Variants in CARS1 observed in about 807,000 individuals in gnomAD.
The protein encoded by CARS1 is cysteinyl-tRNA synthetase 1.
Under a neutral mutation model 106.2 loss-of-function variants are expected in CARS1, and 48 were observed. That is an observed-to-expected ratio of 0.45 (90% CI 0.36 to 0.57). The LOEUF is 0.57. Among genes scored for constraint, CARS1 ranks in the 20% least tolerant of loss-of-function variants. The pLI is 0.00. For missense variants in CARS1, 968 were observed against 1,057.2 expected, an observed-to-expected ratio of 0.92 and a Z score of 1.17; for synonymous variants, 409 against 403.4, an observed-to-expected ratio of 1.01 and a Z score of -0.17.
chr11:3,051,652 T>C (rs1855708639), intron 1 of CARS1, among the ~76,000 whole-genome samples: 1 of 152,172 alleles, frequency 6.6e-6, no homozygotes. Flanking sequence ...CATTTCATGA[T>C]AAAGAAAATG....
intron 22 of CARS1, 125 bp downstream of exon 22, chr11:3,001,845 A>G (rs1849428504): frequency 2.5e-6 from 2 of 815,238 alleles, no homozygotes; most frequent in Admixed American, 1.8e-5. Flanking sequence ...AGCGGGTGTC[A>G]GATTTGATTC....
Position 3,047,990 on chromosome 11 carries a change from T to C in CARS1, c.37A>G (p.Arg13Gly). ...TCGTCACTAATGCTCAGAATGGACC[T>C]GTAGTCAGGAGCTGCAAAGACAGAG... ...DSSGQQAPDY[R>G]SILSISDEAA... Residue 13 changes from arginine to glycine, a missense_variant, in exon 2 of 23, where the codon AGG becomes GGG. By Grantham distance (125) the Arg-to-Gly change is moderately radical. Coordinates refer to ENST00000380525, the MANE Select transcript of CARS1 (RefSeq NM_001014437.3). The C allele has an allele frequency of 7.4e-6, 12 of 1,613,118 alleles. No homozygotes were observed. The highest frequency in any genetic ancestry group is 8.5e-6 in the Non-Finnish European group (10 of 1,179,364).
At position 3,017,399 on chromosome 11, in the gene CARS1, T is replaced by C; in HGVS notation, c.1728-104A>G. 9.8e-7 allele frequency: 1 copy of C among 1,024,620 alleles called. No homozygotes were observed. Among genetic ancestry groups the C allele is most frequent in the Non-Finnish European group, 1.5e-6 (1 of 684,968 alleles). The allele number at this position is 1,024,620 out of a possible 1,614,324, so 63.5% of individuals were successfully genotyped here. ...GGCTCACGCCTATAATCCCAGCACT[T>C]TGGGAGGCTGAGGTGGGCGGATCAC... On this transcript the variant is annotated intron_variant, in intron 15 of 22. Transcript: ENST00000380525. This position sits in a 1 kb window ranked among gnomAD's most constrained non-coding sequence, Gnocchi z 4.9.
At chr11:3,015,922 G>A (rs1195218196) in intron 16 of CARS1, 73 bp from the exon 17 acceptor site, 18 of 1,279,362 alleles carry the variant, frequency 1.4e-5, no homozygotes, top group Middle Eastern at 1.8e-4. Context: ...GCTGTGAGCT[G>A]TGTTCCTCGT....
At chr11:3,051,728 C>T (rs1397146390) in intron 1 of CARS1, among the ~76,000 whole-genome samples, 2 of 152,192 alleles carry the variant, frequency 1.3e-5, no homozygotes, top group East Asian at 1.9e-4. Context: ...GCCTTGTCCC[C>T]TCACAGATCA....
chr11:3,043,176 A>G lies in CARS1; in HGVS notation c.275-920T>C, dbSNP rs1458247332. On this transcript the variant is annotated intron_variant, in intron 2 of 22. Transcript: ENST00000380525. The surrounding 1 kb of genome is among the most constrained non-coding windows in gnomAD (Gnocchi z 4.0). The stretch of plus-strand genomic sequence containing the variant: ...GGGCCGCCTGGGCTGCTCTGAGCAC[A>G]CTGCTTCCAGGCCTGGCTTCCAACC... Among the ~76,000 whole-genome samples, 1 of 151,852 alleles carries G rather than the reference A, an allele frequency of 6.6e-6. No homozygotes were observed. The highest frequency in any genetic ancestry group is 1.5e-5 in the Non-Finnish European group (1 of 67,922).
rs1854300976 is a variant in CARS1, at chr11:3,040,504, G to A, written c.455+392C>T. Reference sequence around the variant, plus strand: ...GCCATGACCATCCAGTGGTCGGGGGGCGGTCACAGCCAACCCAGCGTCAGG... The same window carrying A: ...GCCATGACCATCCAGTGGTCGGGGGACGGTCACAGCCAACCCAGCGTCAGG... On this transcript the variant is annotated intron_variant, in intron 4 of 22. Coordinates refer to ENST00000380525, the MANE Select transcript of CARS1 (RefSeq NM_001014437.3). The surrounding 1 kb of genome is among the most constrained non-coding windows in gnomAD (Gnocchi z 5.8). 2.1e-6 allele frequency: 1 copy of A among 475,680 alleles called. No homozygotes were observed. The highest frequency in any genetic ancestry group is 6.3e-5 in the East Asian group (1 of 15,904). 29.5% of individuals were successfully genotyped at this position (475,680 alleles called of 1,614,324 possible).
intron 19 of CARS1, among the ~76,000 whole-genome samples, chr11:3,006,309 G>A (rs1330075547): frequency 6.6e-6 from 1 of 152,168 alleles, no homozygotes; most frequent in Non-Finnish European, 1.5e-5. Flanking sequence ...AGCCGAGCGT[G>A]GTGATGGGCG....
In CARS1 at chr11:3,037,620, A is replaced by C. The variant is rs372561740; in HGVS notation, c.801+430T>G. Reference sequence around the variant, plus strand: ...GGGGCAGGAGAGCTGGTCAACGTGAAGGCCCCAAGCTCAGTAGGTACCCAC... The same window carrying C: ...GGGGCAGGAGAGCTGGTCAACGTGACGGCCCCAAGCTCAGTAGGTACCCAC... On this transcript the variant is annotated intron_variant, in intron 7 of 22. Coordinates refer to ENST00000380525, the MANE Select transcript of CARS1 (RefSeq NM_001014437.3). The surrounding 1 kb of genome is among the most constrained non-coding windows in gnomAD (Gnocchi z 5.9). 2.6e-4 allele frequency among the ~76,000 whole-genome samples: 40 copies of C among 152,280 alleles called. No individual in the cohort carries two copies. The highest frequency in any genetic ancestry group is 8.4e-4 in the African/African-American group (35 of 41,564).
intron 9 of CARS1, chr11:3,027,833 T>G: frequency 2.2e-6 from 1 of 454,740 alleles, no homozygotes; most frequent in South Asian, 1.6e-5. Flanking sequence ...GTAGCGTAAG[T>G]GTCAAGGAAA....
chr11:3,038,759 G>C lies in CARS1; in HGVS notation c.651+435C>G, dbSNP rs1189604526. Reference sequence around the variant, plus strand: ...ATGGTTATTCAGAATGAAAATACTAGAGAGAACTAATTTCTTCAAAAGATT... The same window carrying C: ...ATGGTTATTCAGAATGAAAATACTACAGAGAACTAATTTCTTCAAAAGATT... On this transcript the variant is annotated intron_variant, in intron 6 of 22. Transcript: ENST00000380525. The surrounding 1 kb of genome is among the most constrained non-coding windows in gnomAD (Gnocchi z 4.0). 1.3e-5 allele frequency among the ~76,000 whole-genome samples: 2 copies of C among 152,184 alleles called. No individual in the cohort carries two copies. Among genetic ancestry groups the C allele is most frequent in the Non-Finnish European group, 2.9e-5 (2 of 68,048 alleles).
intron 17 of CARS1, among the ~76,000 whole-genome samples, chr11:3,012,527 G>C (rs1024919922): frequency 6.6e-6 from 1 of 152,228 alleles, no homozygotes; most frequent in African/African-American, 2.4e-5. Flanking sequence ...ACTGCAGCAG[G>C]TGGGTCTGCC....
chr11:3,042,297 A>C (rs1854567642), intron 2 of CARS1, 41 bp from the exon 3 acceptor site: 2 of 1,496,396 alleles, frequency 1.3e-6, no homozygotes, highest in Non-Finnish European at 1.8e-6. Flanking sequence ...CAGGGGCAGC[A>C]CCAGGAAGTG....
intron 17 of CARS1, 61 bp downstream of exon 17, chr11:3,015,720 C>G: frequency 3.5e-6 from 5 of 1,440,212 alleles, no homozygotes; most frequent in Non-Finnish European, 3.9e-6. Context: ...CAGAGGGACA[C>G]AGAGGGGTAG....
chr11:3,053,167 C>T lies in CARS1; in HGVS notation c.25+4176G>A, dbSNP rs1163342626. Among the ~76,000 whole-genome samples, 2 of 152,234 alleles carry T rather than the reference C, an allele frequency of 1.3e-5. No homozygotes were observed. The highest frequency in any genetic ancestry group is 2.4e-5 in the African/African-American group (1 of 41,468). ...GACACGTCAAACAACTGTGGCAGTGCGACCTCTCCCTCTCTCTGGCTCTTT... is the reference window on the plus strand; with the variant it reads ...GACACGTCAAACAACTGTGGCAGTGTGACCTCTCCCTCTCTCTGGCTCTTT... On this transcript the variant is annotated intron_variant, in intron 1 of 22. Transcript: ENST00000380525. The surrounding 1 kb of genome is among the most constrained non-coding windows in gnomAD (Gnocchi z 6.6).
In CARS1 at chr11:3,022,126, G is replaced by A. The variant is rs568783541; in HGVS notation, c.1154-1794C>T. 2.3e-4 allele frequency among the ~76,000 whole-genome samples: 35 copies of A among 152,280 alleles called. No individual in the cohort carries two copies. Among genetic ancestry groups the A allele is most frequent in the African/African-American group, 7.9e-4 (33 of 41,550 alleles). ...CGGTCACTGGCCAGGTGCAGTGCAC[G>A]TCCATCCGCTTCCCTGCAGCTCTAA... On this transcript the variant is annotated intron_variant, in intron 10 of 22. Transcript: ENST00000380525. This position sits in a 1 kb window ranked among gnomAD's most constrained non-coding sequence, Gnocchi z 4.9.
chr11:3,017,505 T>G lies in CARS1; in HGVS notation c.1728-210A>C. The G allele has an allele frequency of 1.7e-6, 1 of 580,486 alleles. No homozygotes were observed. The highest frequency in any genetic ancestry group is 3.1e-6 in the Non-Finnish European group (1 of 326,272). 36.0% of individuals were successfully genotyped at this position (580,486 alleles called of 1,614,324 possible). On this transcript the variant is annotated intron_variant, in intron 15 of 22. Coordinates refer to ENST00000380525, the MANE Select transcript of CARS1 (RefSeq NM_001014437.3). The surrounding 1 kb of genome is among the most constrained non-coding windows in gnomAD (Gnocchi z 4.9). ...CTAAAAATCTGAAATTAGCCAGGTA[T>G]GGTGGCGCATGCCTGTAACCCCAGC...
rs1353841269 is a variant in CARS1 at position 3,057,195 on chromosome 11, C to A, written c.25+148G>T. 13 of 704,100 alleles carry A rather than the reference C, an allele frequency of 1.8e-5. No individual in the cohort carries two copies. In the East Asian group the frequency reaches 3.4e-4, roughly 18 times the overall value. The allele number at this position is 704,100 out of a possible 1,614,324, so 43.6% of individuals were successfully genotyped here. ...GACACCCCTCAGACCTCGGGCACTG[C>A]CGCCCCTCAGACCACGGACACAGCT... On this transcript the variant is annotated intron_variant, in intron 1 of 22. Coordinates refer to ENST00000380525, the MANE Select transcript of CARS1 (RefSeq NM_001014437.3).
At chr11:3,012,958 C>T (rs370097393) in intron 17 of CARS1, among the ~76,000 whole-genome samples, 2 of 142,734 alleles carry the variant, frequency 1.4e-5, no homozygotes, top group South Asian at 4.4e-4. Context: ...GGTGTGATCT[C>T]GGCTCACTGC....
Sources: gnomAD v4.1 joint callset for allele counts (sites outside exome capture counted in the v4.1 genomes callset) on GRCh38, gnomAD v4.1.1 for gene constraint, Gnocchi (gnomAD v3.1) non-coding constraint, MANE v1.5 for transcripts, NCBI Gene and HGNC (gene_info 2026-07-23, HGNC 2026-07-21) for gene names.